Variants in GIPC2 observed in about 807,000 individuals in gnomAD.
GIPC2 encodes the protein PDZ domain-containing protein GIPC2.
A neutral mutation model predicts 30.6 loss-of-function variants in GIPC2; 30 were observed. The ratio of observed to expected loss-of-function variants is 0.98; its 90% CI spans 0.73 to 1.33. GIPC2 has a LOEUF of 1.33. GIPC2 is among the 40% of genes most tolerant of loss of function. GIPC2 has a pLI of 0.00. For synonymous variants in GIPC2, 167 were observed against 150.0 expected (o/e 1.11, Z -0.83); for missense variants, 414 against 390.3 (o/e 1.06, Z -0.51).
intron 5 of GIPC2, among the ~76,000 whole-genome samples, chr1:78,132,604 C>T (rs907927636): frequency 1.3e-5 from 2 of 150,420 alleles, no homozygotes; most frequent in African/African-American, 2.5e-5. Flanking sequence ...TGCTGAGCTT[C>T]CTGAGGTATA....
chr1:78,071,729 A>C (rs1381933769), intron 1 of GIPC2, among the ~76,000 whole-genome samples: 1 of 152,060 alleles, frequency 6.6e-6, no homozygotes, highest in East Asian at 1.9e-4. Flanking sequence ...CTGTCTTCTA[A>C]AAGTTTTAAA....
At chr1:78,084,563 C>T (rs1006546331) in intron 2 of GIPC2, among the ~76,000 whole-genome samples, 1 of 151,798 alleles carries the variant, frequency 6.6e-6, no homozygotes, top group African/African-American at 2.4e-5. Flanking sequence ...AATTGTCATC[C>T]TGCCCCACAG....
chr1:78,046,365 C>T (rs1312724666), intron 1 of GIPC2, 31 bp downstream of exon 1: 6 of 1,579,214 alleles, frequency 3.8e-6, no homozygotes, highest in Admixed American at 1.7e-5. Context: ...GCTCTCCCGC[C>T]TCTCCGCCGC....
At chr1:78,093,980 C>T (rs1662090961) in intron 2 of GIPC2, among the ~76,000 whole-genome samples, 1 of 152,070 alleles carries the variant, frequency 6.6e-6, no homozygotes, top group African/African-American at 2.4e-5. Flanking sequence ...CTTTACCCTA[C>T]AGATGTATTG....
chr1:78,046,016 G>T lies in GIPC2; in HGVS notation c.-79G>T. 1.4e-6 allele frequency: 2 copies of T among 1,395,024 alleles called. No individual in the cohort carries two copies. The highest frequency in any genetic ancestry group is 1.9e-6 in the Non-Finnish European group (2 of 1,077,316). The allele number at this position is 1,395,024 out of a possible 1,614,324, so 86.4% of individuals were successfully genotyped here. ...GGCTGCTTTTACCTGCGCGGGGCCC[G>T]GGGCGCAAAGTCCGAGGCGCCGGGG... is the stretch of plus-strand genomic sequence containing the variant. On this transcript the variant is annotated 5_prime_UTR_variant, in exon 1 of 6. Coordinates refer to ENST00000370759, the MANE Select transcript of GIPC2 (RefSeq NM_017655.6).
chr1:78,082,963 C>A (rs1442075172), intron 2 of GIPC2, among the ~76,000 whole-genome samples: 1 of 151,986 alleles, frequency 6.6e-6, no homozygotes, highest in Non-Finnish European at 1.5e-5. Flanking sequence ...TATATATACT[C>A]TTTACCCCTT....
chr1:78,046,312 C>T lies in GIPC2; in HGVS notation c.218C>T (p.Ala73Val), dbSNP rs1421789727. 2 of 1,611,096 alleles carry T rather than the reference C, an allele frequency of 1.2e-6. No homozygotes were observed. Among genetic ancestry groups the T allele is most frequent in the East Asian group, 2.2e-5 (1 of 44,730 alleles). Residue 73 changes from alanine to valine, a missense_variant, in exon 1 of 6, where the codon GCG (alanine) becomes GTG (valine). By Grantham distance (64) the Ala-to-Val change is moderately conservative (BLOSUM62 0). Transcript: ENST00000370759. ...IQELYAQIAG[A>V]FEISPSEILY... Reference sequence around the variant, plus strand: ...GAGCTCTACGCCCAGATCGCGGGCGCGTTTGAAATCTCGCCGTCGGAGGTA... The same window carrying T: ...GAGCTCTACGCCCAGATCGCGGGCGTGTTTGAAATCTCGCCGTCGGAGGTA...
Position 78,135,772 on chromosome 1 carries a change from C to A in GIPC2, c.*29C>A, listed in dbSNP as rs923439669. ...GTACACTCCATCTCTGAAGAAACAA[C>A]CCATCGTTCTTTTTTTTCTCTTTTT... On this transcript the variant is annotated 3_prime_UTR_variant, in exon 6 of 6. Transcript: ENST00000370759. 1.3e-6 allele frequency: 2 copies of A among 1,567,786 alleles called. No homozygotes were observed. Among genetic ancestry groups the A allele is most frequent in the Non-Finnish European group, 1.7e-6 (2 of 1,162,778 alleles).
chr1:78,106,295 C>T (rs1390723446), intron 3 of GIPC2, among the ~76,000 whole-genome samples: 1 of 150,360 alleles, frequency 6.7e-6, no homozygotes, highest in Non-Finnish European at 1.5e-5. Flanking sequence ...TGTGGTGGCT[C>T]ACGCCTGTAA....
At chr1:78,127,279 T>C (rs1028254245) in intron 5 of GIPC2, among the ~76,000 whole-genome samples, 1 of 152,214 alleles carries the variant, frequency 6.6e-6, no homozygotes, top group African/African-American at 2.4e-5. Flanking sequence ...CTGGCTTTTA[T>C]TTGCAACTCT....
At chr1:78,097,166 C>T (rs1662153199) in intron 3 of GIPC2, among the ~76,000 whole-genome samples, 1 of 152,124 alleles carries the variant, frequency 6.6e-6, no homozygotes, top group African/African-American at 2.4e-5. Flanking sequence ...CCCCAATTCT[C>T]TTGGTTCTAA....
chr1:78,108,132 T>C (rs1423091778), intron 3 of GIPC2, among the ~76,000 whole-genome samples: 1 of 152,168 alleles, frequency 6.6e-6, no homozygotes, highest in Non-Finnish European at 1.5e-5. Context: ...CATGATAAAA[T>C]CATATTATAG....
At chr1:78,094,460 A>G (rs1411326590) in intron 2 of GIPC2, among the ~76,000 whole-genome samples, 4 of 152,230 alleles carry the variant, frequency 2.6e-5, no homozygotes, top group Non-Finnish European at 5.9e-5. Context: ...CTGTGACATG[A>G]GAATCTCATA....
intron 4 of GIPC2, among the ~76,000 whole-genome samples, chr1:78,121,537 G>A (rs554297154): frequency 1.9e-4 from 29 of 152,164 alleles, no homozygotes; most frequent in Admixed American, 3.9e-4. Context: ...GGCCAAGGCT[G>A]TCCTTAGGAA....
chr1:78,053,516 C>T (rs908264191), intron 1 of GIPC2, among the ~76,000 whole-genome samples: 7 of 152,026 alleles, frequency 4.6e-5, no homozygotes, highest in Non-Finnish European at 1.0e-4. Context: ...TGGTCTTTGC[C>T]TGGAAGGTGT....
chr1:78,088,824 T>G (rs1661982898), intron 2 of GIPC2, among the ~76,000 whole-genome samples: 1 of 145,418 alleles, frequency 6.9e-6, no homozygotes, highest in African/African-American at 2.5e-5. Flanking sequence ...AGCAAGACAC[T>G]GTCTCTTAAA....
chr1:78,131,094 C>T (rs933241871), intron 5 of GIPC2, among the ~76,000 whole-genome samples: 6 of 152,126 alleles, frequency 3.9e-5, no homozygotes, highest in African/African-American at 1.4e-4. Flanking sequence ...ACATCACCCT[C>T]CCAAGTAGCA....
At chr1:78,073,587 G>A (rs751478333) in intron 1 of GIPC2, among the ~76,000 whole-genome samples, 1 of 152,070 alleles carries the variant, frequency 6.6e-6, no homozygotes, top group Non-Finnish European at 1.5e-5. Context: ...AGCTGCATAA[G>A]CCCATAATTT....
intron 2 of GIPC2, among the ~76,000 whole-genome samples, chr1:78,088,751 G>A (rs1379980692): frequency 9.9e-5 from 15 of 151,770 alleles, no homozygotes; most frequent in Non-Finnish European, 4.4e-5. Flanking sequence ...GGCTGAGGTG[G>A]GAGAATTGCT....
Sources: allele counts gnomAD v4.1 joint callset (sites outside exome capture counted in the v4.1 genomes callset), GRCh38; gene constraint gnomAD v4.1.1; transcripts MANE v1.5; gene names NCBI Gene and HGNC (gene_info 2026-07-23, HGNC 2026-07-21).